The following MAFK variants were observed in gnomAD, a reference collection of about 807,000 sequenced individuals.
MAFK encodes MAF bZIP transcription factor K, also known as transcription factor MafK.
In MAFK, 1 loss-of-function variant was observed where a neutral mutation model predicts 9.2. That is an observed-to-expected ratio of 0.11 (90% CI 0.04 to 0.52). MAFK has a LOEUF of 0.52. Ranked by LOEUF, MAFK falls within the 20% of genes least tolerant of loss-of-function variation. The probability of loss-of-function intolerance (pLI) is 0.94; values close to 1 mark genes in which losing one functional copy is unlikely to be tolerated. For synonymous variants in MAFK, 110 were observed against 107.4 expected (o/e 1.02, Z -0.15); for missense variants, 207 against 236.0 (o/e 0.88, Z 0.81).
rs1399365423 is a variant in MAFK at position 1,534,110 on chromosome 7, A to C, written c.-45+3212A>C. On this transcript the variant is annotated intron_variant, in intron 1 of 2. Transcript: ENST00000343242. The surrounding 1 kb of genome is among the most constrained non-coding windows in gnomAD (Gnocchi z 4.3). ...AGTCATGGCTTGCTGGAGGGCAGCC[A>C]GCCAGGGCCAGGCTGCTGGCTGGTA... is the stretch of plus-strand genomic sequence containing the variant. 1 of 395,520 alleles carries C rather than the reference A, an allele frequency of 2.5e-6. No individual in the cohort carries two copies. Among genetic ancestry groups the C allele is most frequent in the Non-Finnish European group, 5.2e-6 (1 of 190,604 alleles). The allele number at this position is 395,520 out of a possible 1,614,324, so 24.5% of individuals were successfully genotyped here. A position where few individuals can be genotyped will look rare whatever the true frequency, so the allele number is the denominator to read the frequency against.
rs534798521 is a variant in MAFK at position 1,532,174 on chromosome 7, G to A, written c.-45+1276G>A. Among the ~76,000 whole-genome samples the A allele has an allele frequency of 4.6e-4, 70 of 152,332 alleles. No individual in the cohort carries two copies. The highest frequency in any genetic ancestry group is 8.1e-4 in the Non-Finnish European group (55 of 68,030). On this transcript the variant is annotated intron_variant, in intron 1 of 2. Transcript: ENST00000343242. This position sits in a 1 kb window ranked among gnomAD's most constrained non-coding sequence, Gnocchi z 4.5. ...TCTTTACTGGCACTGAGGTTTCACC[G>A]TCACGGTGTGTTGTTGTAAGGGGTT...
chr7:1,538,170 C>A (rs976693300), intron 1 of MAFK: 1 of 684,404 alleles, frequency 1.5e-6, no homozygotes, highest in Non-Finnish European at 1.8e-6. Flanking sequence ...GCCATGGCAA[C>A]TATCGGAGGG....
In MAFK at chr7:1,538,300, C is replaced by T. The variant is rs954220588; in HGVS notation, c.-44-849C>T. Reference sequence around the variant, plus strand: ...GACTCCCGCCAGACGGTCAAATGCTCGGCAGGGCGGCGGCTCCCCCACCTC... The same window carrying T: ...GACTCCCGCCAGACGGTCAAATGCTTGGCAGGGCGGCGGCTCCCCCACCTC... On this transcript the variant is annotated intron_variant, in intron 1 of 2. Coordinates refer to ENST00000343242, the MANE Select transcript of MAFK (RefSeq NM_002360.4). The T allele has an allele frequency of 1.5e-5, 15 of 985,424 alleles. 1 individual carries two copies. The highest frequency in any genetic ancestry group is 4.7e-5 in the South Asian group (1 of 21,298). The allele number at this position is 985,424 out of a possible 1,614,324, so 61.0% of individuals were successfully genotyped here. A position where few individuals can be genotyped will look rare whatever the true frequency, so the allele number is the denominator to read the frequency against.
At chr7:1,536,090 A>G (rs1784020696) in intron 1 of MAFK, among the ~76,000 whole-genome samples, 1 of 152,162 alleles carries the variant, frequency 6.6e-6, no homozygotes, top group South Asian at 2.1e-4. Flanking sequence ...GTTCCAAGTT[A>G]TAGGTGGTGC....
At chr7:1,538,330 G>A in intron 1 of MAFK, 17 of 985,446 alleles carry the variant, frequency 1.7e-5, no homozygotes, top group Non-Finnish European at 2.0e-5. Context: ...CACCTCCCTG[G>A]TCTCTGGCTG....
chr7:1,540,097 G>A lies in MAFK; in HGVS notation c.193G>A (p.Ala65Thr). 1 of 1,567,626 alleles carries A rather than the reference G, an allele frequency of 6.4e-7. No individual in the cohort carries two copies. Among genetic ancestry groups the A allele is most frequent in the Non-Finnish European group, 8.6e-7 (1 of 1,156,242 alleles). Residue 65 changes from alanine to threonine, a missense_variant, in exon 3 of 3, where the codon GCG becomes ACG. Physicochemically the swap from Ala to Thr is moderately conservative, Grantham distance 58 (BLOSUM62 0). Transcript: ENST00000343242. ...RRRTLKNRGYAASCRIKRVTQ... is the reference protein window; with the variant it reads ...RRRTLKNRGYTASCRIKRVTQ... Reference sequence around the variant, plus strand: ...GCGCACACTCAAGAACCGCGGCTACGCGGCCAGCTGCCGCATCAAGCGGGT... The same window carrying A: ...GCGCACACTCAAGAACCGCGGCTACACGGCCAGCTGCCGCATCAAGCGGGT...
chr7:1,533,587 G>T (rs1450265230), intron 1 of MAFK, among the ~76,000 whole-genome samples: 1 of 152,222 alleles, frequency 6.6e-6, no homozygotes. Context: ...TGCCTGTGGG[G>T]CTGTGTGGGG....
rs6973328 is a variant in MAFK at position 1,532,224 on chromosome 7, A to G, written c.-45+1326A>G. On this transcript the variant is annotated intron_variant, in intron 1 of 2. Transcript: ENST00000343242. This position sits in a 1 kb window ranked among gnomAD's most constrained non-coding sequence, Gnocchi z 4.5. The stretch of plus-strand genomic sequence containing the variant: ...TCTCCAACACAGAGTGGGGTGCCCT[A>G]TGCAGCTTCTCCAAACCCAATGTCT... Among the ~76,000 whole-genome samples the G allele has an allele frequency of 0.043, 6,486 of 152,288 alleles. 430 individuals are homozygous for G. The highest frequency in any genetic ancestry group is 0.14 in the African/African-American group (5,844 of 41,548).
Position 1,540,857 on chromosome 7 carries a change from A to AGAT in MAFK, c.*482_*483insGAT. The AGAT allele has an allele frequency of 1.2e-5, 2 of 163,304 alleles. No individual in the cohort carries two copies. The highest frequency in any genetic ancestry group is 2.6e-5 in the Non-Finnish European group (2 of 75,580). 10.1% of individuals were successfully genotyped at this position (163,304 alleles called of 1,614,324 possible). ...CGGGAGCCCCTCACTGCCCTGACCG[A>AGAT]CTCCGCAGTCCCCGGGGAGGAGCAT... is the stretch of plus-strand genomic sequence containing the variant. On this transcript the variant is annotated 3_prime_UTR_variant, in exon 3 of 3. Transcript: ENST00000343242.
rs566060354 is a variant in MAFK, at chr7:1,537,704, C to T, written c.-44-1445C>T. On this transcript the variant is annotated intron_variant, in intron 1 of 2. Transcript: ENST00000343242. ...GGCGCAGGACCCTGTCTCACCTGTGCGGCCCTCTTGTTGTGGGGGTTTGTG... is the reference window on the plus strand; with the variant it reads ...GGCGCAGGACCCTGTCTCACCTGTGTGGCCCTCTTGTTGTGGGGGTTTGTG... 30 of 985,622 alleles carry T rather than the reference C, an allele frequency of 3.0e-5. No individual in the cohort carries two copies. In the East Asian group the frequency reaches 1.5e-3, roughly 48 times the overall value. The allele number at this position is 985,622 out of a possible 1,614,324, so 61.1% of individuals were successfully genotyped here. A position where few individuals can be genotyped will look rare whatever the true frequency, so the allele number is the denominator to read the frequency against.
At position 1,541,274 on chromosome 7, in the gene MAFK, G is replaced by T. The variant is rs1784179867; in HGVS notation, c.*899G>T. The T allele has an allele frequency of 6.5e-6, 1 of 152,804 alleles. No homozygotes were observed. Among genetic ancestry groups the T allele is most frequent in the African/African-American group, 2.4e-5 (1 of 41,428 alleles). 9.5% of individuals were successfully genotyped at this position (152,804 alleles called of 1,614,324 possible). ...AGGCAGGAGCGCCCCATCATTTGAC[G>T]GTGAGCAGGACTCAGGCTGTGTGTC... On this transcript the variant is annotated 3_prime_UTR_variant, in exon 3 of 3. Coordinates refer to ENST00000343242, the MANE Select transcript of MAFK (RefSeq NM_002360.4).
At chr7:1,536,559 G>C (rs995509413) in intron 1 of MAFK, among the ~76,000 whole-genome samples, 3 of 152,208 alleles carry the variant, frequency 2.0e-5, no homozygotes, top group African/African-American at 7.2e-5. Flanking sequence ...GCCATGTGAG[G>C]TCGGACAGTT....
Position 1,540,048 on chromosome 7 carries a change from G to A in MAFK, c.144G>A (p.Glu48=), listed in dbSNP as rs751567271. Residue 48 remains glutamate, a synonymous_variant, in exon 3 of 3, where the codon GAG becomes GAA. Transcript: ENST00000343242. The part of the protein sequence containing the change: ...NQHLRGLTKE[E]VTRLKQRRRT... ...ACCTGCGGGGTCTCACCAAGGAGGA[G>A]GTGACCCGCCTGAAGCAGCGTCGGC... 7 of 1,559,000 alleles carry A rather than the reference G, an allele frequency of 4.5e-6. No homozygotes were observed.
chr7:1,534,195 C>T lies in MAFK; in HGVS notation c.-45+3297C>T, dbSNP rs756758643. On this transcript the variant is annotated intron_variant, in intron 1 of 2. Transcript: ENST00000343242. This position sits in a 1 kb window ranked among gnomAD's most constrained non-coding sequence, Gnocchi z 4.3. ...CCCGCATGCTTAGTGGGGCTGTGTCCGGGACAGCCGGACAGTGGGGGCCCT... is the reference window on the plus strand; with the variant it reads ...CCCGCATGCTTAGTGGGGCTGTGTCTGGGACAGCCGGACAGTGGGGGCCCT... The T allele has an allele frequency of 6.6e-5, 30 of 453,548 alleles. No individual in the cohort carries two copies. The highest frequency in any genetic ancestry group is 3.1e-4 in the South Asian group (20 of 64,486). The allele number at this position is 453,548 out of a possible 1,614,324, so 28.1% of individuals were successfully genotyped here.
intron 1 of MAFK, chr7:1,538,388 C>T (rs1346676717): frequency 6.1e-6 from 6 of 985,284 alleles, no homozygotes; most frequent in East Asian, 2.3e-4. Context: ...CCCCTTGGGC[C>T]GCAGGGTCCT....
intron 1 of MAFK, among the ~76,000 whole-genome samples, chr7:1,531,403 C>G (rs867604905): frequency 6.6e-6 from 1 of 152,194 alleles, no homozygotes. Context: ...GGGCGGCGCT[C>G]TGGCCCAGTG....
In MAFK at chr7:1,532,440, T is replaced by G. The variant is rs1783926169; in HGVS notation, c.-45+1542T>G. 6.6e-6 allele frequency among the ~76,000 whole-genome samples: 1 copy of G among 152,226 alleles called. No homozygotes were observed. The highest frequency in any genetic ancestry group is 6.5e-5 in the Admixed American group (1 of 15,284). On this transcript the variant is annotated intron_variant, in intron 1 of 2. Coordinates refer to ENST00000343242, the MANE Select transcript of MAFK (RefSeq NM_002360.4). This position sits in a 1 kb window ranked among gnomAD's most constrained non-coding sequence, Gnocchi z 4.5. Reference sequence around the variant, plus strand: ...GGGAGAGGGAGTCTGCTTTTAAAACTAGACCTCTCATTATTCCAAAATAAG... The same window carrying G: ...GGGAGAGGGAGTCTGCTTTTAAAACGAGACCTCTCATTATTCCAAAATAAG...
At chr7:1,531,528 G>C (rs1012245193) in intron 1 of MAFK, among the ~76,000 whole-genome samples, 8 of 152,234 alleles carry the variant, frequency 5.3e-5, no homozygotes, top group Non-Finnish European at 1.2e-4. Flanking sequence ...CTGGAAGGAA[G>C]GCCGTGGGGA....
chr7:1,531,163 C>T (rs1275343739), intron 1 of MAFK, among the ~76,000 whole-genome samples: 1 of 149,266 alleles, frequency 6.7e-6, no homozygotes, highest in Admixed American at 6.6e-5. Context: ...CCATGCTTGC[C>T]GCGCCGGGGG....
Sources: allele counts gnomAD v4.1 joint callset (sites outside exome capture counted in the v4.1 genomes callset), GRCh38; gene constraint gnomAD v4.1.1; non-coding constraint Gnocchi (gnomAD v3.1); transcripts MANE v1.5; gene names NCBI Gene and HGNC (gene_info 2026-07-23, HGNC 2026-07-21).